The following DMRT1 variants were observed in gnomAD, a reference collection of about 807,000 sequenced individuals.
DMRT1 encodes doublesex and mab-3 related transcription factor 1.
In DMRT1, 7 loss-of-function variants were observed where a neutral mutation model predicts 32.3. That is an observed-to-expected ratio of 0.22 (90% CI 0.12 to 0.41). The LOEUF (loss-of-function observed/expected upper bound fraction) is 0.41, where lower values mean the gene tolerates loss of function less well. Ranked by LOEUF, DMRT1 falls within the 10% of genes least tolerant of loss-of-function variation. DMRT1 has a pLI of 1.00. For missense variants in DMRT1, 625 were observed against 500.5 expected, an observed-to-expected ratio of 1.25 and a Z score of -2.37; for synonymous variants, 278 against 206.1, an observed-to-expected ratio of 1.35 and a Z score of -2.99.
intron 2 of DMRT1, among the ~76,000 whole-genome samples, chr9:854,491 C>T (rs1044841422): frequency 3.9e-5 from 6 of 151,958 alleles, no homozygotes; most frequent in African/African-American, 1.5e-4. Flanking sequence ...GCCACGTTGG[C>T]CAGGCTGGTC....
intron 4 of DMRT1, among the ~76,000 whole-genome samples, chr9:922,610 C>T (rs1818391140): frequency 6.6e-6 from 1 of 152,170 alleles, no homozygotes; most frequent in Admixed American, 6.5e-5. Context: ...GTTTAGGTTT[C>T]AGTTGGTGAA....
In DMRT1 at chr9:965,363, T is replaced by C. The variant is rs1037552064; in HGVS notation, c.968-2622T>C. Among the ~76,000 whole-genome samples the C allele has an allele frequency of 2.0e-5, 3 of 152,106 alleles. No homozygotes were observed. The highest frequency in any genetic ancestry group is 7.2e-5 in the African/African-American group (3 of 41,408). On this transcript the variant is annotated intron_variant, in intron 4 of 4. Coordinates refer to ENST00000382276, the MANE Select transcript of DMRT1 (RefSeq NM_021951.3). The surrounding 1 kb of genome is among the most constrained non-coding windows in gnomAD (Gnocchi z 4.5). ...CGGCTGTTTTTCAAAACAGGGTGAGTTTTACATTTTCTCTAGAGTGCAGTC... is the reference window on the plus strand; with the variant it reads ...CGGCTGTTTTTCAAAACAGGGTGAGCTTTACATTTTCTCTAGAGTGCAGTC...
intron 4 of DMRT1, among the ~76,000 whole-genome samples, chr9:925,638 G>A (rs1485801053): frequency 6.6e-6 from 1 of 152,180 alleles, no homozygotes; most frequent in Non-Finnish European, 1.5e-5. Context: ...TATATCCTGT[G>A]TTTTTCTCTT....
At chr9:943,326 T>C (rs1003549363) in intron 4 of DMRT1, among the ~76,000 whole-genome samples, 4 of 152,336 alleles carry the variant, frequency 2.6e-5, no homozygotes, top group African/African-American at 9.6e-5. Flanking sequence ...TGCACCTGTG[T>C]ACTTGAAAAA....
intron 2 of DMRT1, among the ~76,000 whole-genome samples, chr9:852,180 G>A (rs1291796040): frequency 1.3e-5 from 2 of 151,604 alleles, no homozygotes; most frequent in East Asian, 1.9e-4. Context: ...CAAGTGATCC[G>A]CCTGCCTCGG....
At chr9:864,898 T>C (rs1231176415) in intron 2 of DMRT1, among the ~76,000 whole-genome samples, 1 of 152,228 alleles carries the variant, frequency 6.6e-6, no homozygotes, top group Non-Finnish European at 1.5e-5. Flanking sequence ...TTCATAGTTA[T>C]GGTTTGGAAG....
chr9:874,983 A>AT (rs1025839221), intron 2 of DMRT1, among the ~76,000 whole-genome samples: 9 of 150,112 alleles, frequency 6.0e-5, no homozygotes, highest in South Asian at 4.3e-4. Flanking sequence ...AATTTTTTGT[A>AT]TTTTTTTTAG....
At chr9:887,015 G>A (rs189216672) in intron 2 of DMRT1, among the ~76,000 whole-genome samples, 3 of 152,288 alleles carry the variant, frequency 2.0e-5, no homozygotes, top group Middle Eastern at 3.4e-3. Context: ...CTGGTCTCTG[G>A]ATGACAGATA....
At chr9:950,521 C>A (rs1265382259) in intron 4 of DMRT1, among the ~76,000 whole-genome samples, 1 of 152,110 alleles carries the variant, frequency 6.6e-6, no homozygotes, top group Non-Finnish European at 1.5e-5. Context: ...TAATATCCAC[C>A]TCCCCAAAGG....
At chr9:889,291 A>G (rs1019227038) in intron 2 of DMRT1, among the ~76,000 whole-genome samples, 11 of 152,252 alleles carry the variant, frequency 7.2e-5, no homozygotes, top group East Asian at 1.9e-4. Flanking sequence ...GTTTATACAC[A>G]TAGTACTTTG....
At chr9:851,069 C>A (rs1839129220) in intron 2 of DMRT1, among the ~76,000 whole-genome samples, 1 of 146,628 alleles carries the variant, frequency 6.8e-6, no homozygotes, top group Admixed American at 6.8e-5. Context: ...ACGTGGAAGG[C>A]TACGATTTGA....
Position 915,826 on chromosome 9 carries a change from G to A in DMRT1, c.823-937G>A, listed in dbSNP as rs1019179349. On this transcript the variant is annotated intron_variant, in intron 3 of 4. Coordinates refer to ENST00000382276, the MANE Select transcript of DMRT1 (RefSeq NM_021951.3). ...CGGCTCAGTACAAGCTCTGCCTCCC[G>A]GGTTCACGCCATTCTCCTGCCTCAG... is the stretch of plus-strand genomic sequence containing the variant. Among the ~76,000 whole-genome samples, 223 of 151,838 alleles carry A rather than the reference G, an allele frequency of 1.5e-3. 1 individual carries two copies. Among genetic ancestry groups the A allele is most frequent in the Non-Finnish European group, 2.2e-4 (15 of 67,952 alleles).
chr9:962,018 A>T (rs146547470), intron 4 of DMRT1, among the ~76,000 whole-genome samples: 1 of 152,352 alleles, frequency 6.6e-6, no homozygotes, highest in Non-Finnish European at 1.5e-5. Context: ...GCAAAGAGTT[A>T]GCCAGTCTGT....
intron 1 of DMRT1, among the ~76,000 whole-genome samples, chr9:844,652 T>C (rs115433071): frequency 0.041 from 6,208 of 151,872 alleles, 392 homozygotes; most frequent in African/African-American, 0.14. Context: ...TTAATCAGCT[T>C]CCTGTGTTTG....
intron 4 of DMRT1, among the ~76,000 whole-genome samples, chr9:950,184 T>C (rs1385918991): frequency 2.6e-5 from 4 of 152,084 alleles, no homozygotes; most frequent in Non-Finnish European, 5.9e-5. Context: ...ACTCAGCTCA[T>C]TTTTAGAAGG....
intron 3 of DMRT1, among the ~76,000 whole-genome samples, chr9:911,188 G>A (rs777905287): frequency 2.6e-5 from 4 of 152,130 alleles, no homozygotes; most frequent in South Asian, 2.1e-4. Flanking sequence ...ACAGTCAGCA[G>A]CATCCCTGAC....
chr9:842,114 G>T lies in DMRT1; in HGVS notation c.276G>T (p.Lys92Asn). ...ACGCCTCGCCGCTCAAGGGCCACAA[G>T]CGCTTCTGCATGTGGCGCGACTGCC... Reference protein sequence around the residue: ...HGYASPLKGHKRFCMWRDCQC... With the variant: ...HGYASPLKGHNRFCMWRDCQC... The change falls in exon 1 of 5, where the codon AAG becomes AAT. Residue 92 changes from lysine (K) to asparagine (N), a missense_variant. Physicochemically the swap from Lys to Asn is moderately conservative, Grantham distance 94. Coordinates refer to ENST00000382276, the MANE Select transcript of DMRT1 (RefSeq NM_021951.3). 1.3e-6 allele frequency: 2 copies of T among 1,548,880 alleles called. No individual in the cohort carries two copies. Among genetic ancestry groups the T allele is most frequent in the East Asian group, 2.4e-5 (1 of 41,434 alleles).
chr9:901,828 C>G (rs1034784476), intron 3 of DMRT1, among the ~76,000 whole-genome samples: 5 of 151,364 alleles, frequency 3.3e-5, no homozygotes, highest in African/African-American at 1.2e-4. Context: ...CCTTCACAGT[C>G]TTGTTATCCA....
chr9:894,284 C>T (rs903085323), intron 3 of DMRT1, 89 bp downstream of exon 3: 76 of 1,388,776 alleles, frequency 5.5e-5, no homozygotes, highest in Middle Eastern at 5.0e-4. Flanking sequence ...GAGGCACACA[C>T]GCACTTGTGC....
Sources: allele counts gnomAD v4.1 joint callset (sites outside exome capture counted in the v4.1 genomes callset), GRCh38; gene constraint gnomAD v4.1.1; non-coding constraint Gnocchi (gnomAD v3.1); transcripts MANE v1.5; gene names NCBI Gene and HGNC (gene_info 2026-07-23, HGNC 2026-07-21).